Variants in EPB41 observed in about 807,000 individuals in gnomAD.
EPB41 encodes the protein erythrocyte membrane protein band 4.1.
Under a neutral mutation model 108.0 loss-of-function variants are expected in EPB41, and 65 were observed. That is an observed-to-expected ratio of 0.60 (90% CI 0.49 to 0.74). EPB41 has a LOEUF of 0.74. EPB41 is among the 30% of genes least tolerant of loss of function. The probability of loss-of-function intolerance (pLI) is 0.00; values close to 1 mark genes in which losing one functional copy is unlikely to be tolerated. For missense variants in EPB41, 875 were observed against 1,037.0 expected (o/e 0.84, Z 2.15); for synonymous variants, 336 against 358.9 (o/e 0.94, Z 0.72).
chr1:29,006,214 G>A (rs1198359712), intron 4 of EPB41, among the ~76,000 whole-genome samples: 2 of 150,788 alleles, frequency 1.3e-5, no homozygotes, highest in African/African-American at 4.9e-5. Flanking sequence ...GGTGTAAATC[G>A]TACATATACA....
chr1:29,065,355 A>G (rs2151010098), intron 16 of EPB41, 197 bp downstream of exon 16: 1 of 1,010,502 alleles, frequency 9.9e-7, no homozygotes, highest in African/African-American at 1.6e-5. Flanking sequence ...GTGCAATTAT[A>G]GGAGCTATTT....
At position 28,987,402 on chromosome 1, in the gene EPB41, G is replaced by T. The variant is rs749670680; in HGVS notation, c.-7-29G>T. 26 of 1,600,566 alleles carry T rather than the reference G, an allele frequency of 1.6e-5. 1 individual carries two copies. The South Asian group carries it at 2.8e-4, about 17-fold the overall frequency. ...ACAGTAATGTGTTTTGCTTATAAGA[G>T]CCCCCCTTTTCTATCTTCTTTTTAA... On this transcript the variant is annotated intron_variant, in intron 1 of 20. Transcript: ENST00000343067.
In EPB41 at chr1:29,015,717, T is replaced by G. The variant is rs773195319; in HGVS notation, c.855T>G (p.Asn285Lys). 1 of 1,609,796 alleles carries G rather than the reference T, an allele frequency of 6.2e-7. No individual in the cohort carries two copies. Among genetic ancestry groups the G allele is most frequent in the South Asian group, 1.1e-5 (1 of 90,772 alleles). Residue 285 changes from asparagine (N) to lysine (K), a missense_variant, in exon 6 of 21, where the codon AAT becomes AAG. Coordinates refer to ENST00000343067, the MANE Select transcript of EPB41 (RefSeq NM_001376013.1). Reference protein sequence around the residue: ...VRGVPWNFTFNVKFYPPDPAQ... With the variant: ...VRGVPWNFTFKVKFYPPDPAQ... ...GTGTCCCTTGGAATTTTACATTTAATGTAAAGTTTTATCCACCTGACCCAG... is the reference window on the plus strand; with the variant it reads ...GTGTCCCTTGGAATTTTACATTTAAGGTAAAGTTTTATCCACCTGACCCAG...
chr1:29,033,306 A>G (rs938431794), intron 9 of EPB41, 61 bp downstream of exon 9: 38 of 1,585,326 alleles, frequency 2.4e-5, no homozygotes, highest in Non-Finnish European at 2.8e-5. Context: ...AAATATCTAC[A>G]TTTCCATTTT....
rs1443271634 is a variant in EPB41, at chr1:28,993,356, T to A, written c.495T>A (p.Asp165Glu). The A allele has an allele frequency of 8.7e-6, 14 of 1,613,112 alleles. No individual in the cohort carries two copies. Among genetic ancestry groups the A allele is most frequent in the Non-Finnish European group, 1.2e-5 (14 of 1,179,980 alleles). ...CTGCTCAGGAAGAACTCAGAGAAGATCCAGATTTTGAAATTAAGGAAGGAG... is the reference window on the plus strand; with the variant it reads ...CTGCTCAGGAAGAACTCAGAGAAGAACCAGATTTTGAAATTAAGGAAGGAG... ...TQPAQEELRE[D>E]PDFEIKEGEG... Residue 165 changes from aspartate (D) to glutamate (E), a missense_variant, in exon 3 of 21, where the codon GAT becomes GAA. By Grantham distance (45) the Asp-to-Glu change is conservative (BLOSUM62 2). This residue lies in a region of EPB41 where 353 missense variants were observed against 393.2 expected (regional missense o/e 0.90). Coordinates refer to ENST00000343067, the MANE Select transcript of EPB41 (RefSeq NM_001376013.1).
At chr1:28,922,626 A>ATT (rs11353802) in intron 1 of EPB41, among the ~76,000 whole-genome samples, 1 of 127,292 alleles carries the variant, frequency 7.9e-6, no homozygotes, top group Non-Finnish European at 1.6e-5. Flanking sequence ...TAGAGACAGG[A>ATT]TTTTTTTTTT....
chr1:28,953,123 C>T (rs1190370402), intron 1 of EPB41, among the ~76,000 whole-genome samples: 3 of 151,670 alleles, frequency 2.0e-5, no homozygotes, highest in Non-Finnish European at 4.4e-5. Flanking sequence ...ACAAGGTCTA[C>T]ATATTGCAAG....
chr1:28,974,734 G>T (rs751434116), intron 1 of EPB41, among the ~76,000 whole-genome samples: 11 of 151,706 alleles, frequency 7.3e-5, no homozygotes, highest in Admixed American at 7.2e-4. Context: ...TTTTGGACAT[G>T]TTTTATTGAG....
At chr1:28,962,672 A>G (rs1317333089) in intron 1 of EPB41, among the ~76,000 whole-genome samples, 1 of 152,096 alleles carries the variant, frequency 6.6e-6, no homozygotes, top group Non-Finnish European at 1.5e-5. Flanking sequence ...CTAGGTTAGA[A>G]CTTTCTGTCT....
At chr1:28,927,234 T>G (rs1178417315) in intron 1 of EPB41, among the ~76,000 whole-genome samples, 1 of 152,230 alleles carries the variant, frequency 6.6e-6, no homozygotes, top group Admixed American at 6.5e-5. Flanking sequence ...GCAAGTGATT[T>G]TGCAGTTTAA....
intron 1 of EPB41, among the ~76,000 whole-genome samples, chr1:28,962,268 C>T (rs6426349): frequency 0.12 from 18,671 of 151,976 alleles, 1,580 homozygotes; most frequent in African/African-American, 0.25. Flanking sequence ...ACCACGTTGG[C>T]CAGGCTGATC....
rs922345683 is a variant in EPB41 at position 29,115,528 on chromosome 1, A to G, written c.2497-171A>G. Reference sequence around the variant, plus strand: ...GTGTTATCAGTCCAGAAGCCTCCCTATGCAGGATAGGGTGGGTAAGGTAAT... The same window carrying G: ...GTGTTATCAGTCCAGAAGCCTCCCTGTGCAGGATAGGGTGGGTAAGGTAAT... On this transcript the variant is annotated intron_variant, in intron 19 of 20. Coordinates refer to ENST00000343067, the MANE Select transcript of EPB41 (RefSeq NM_001376013.1). This position sits in a 1 kb window ranked among gnomAD's most constrained non-coding sequence, Gnocchi z 4.4. Among the ~76,000 whole-genome samples the G allele has an allele frequency of 1.1e-4, 17 of 152,154 alleles. No homozygotes were observed. The highest frequency in any genetic ancestry group is 4.1e-4 in the African/African-American group (17 of 41,442).
chr1:29,061,582 T>TTTTTTTTTTG (rs1462192956), intron 15 of EPB41, among the ~76,000 whole-genome samples: 1 of 136,430 alleles, frequency 7.3e-6, no homozygotes, highest in Non-Finnish European at 1.6e-5. Flanking sequence ...GTTTTTTTTT[T>TTTTTTTTTTG]TTTTTTTTTT....
intron 1 of EPB41, among the ~76,000 whole-genome samples, chr1:28,939,065 A>G (rs907524966): frequency 4.3e-4 from 66 of 152,322 alleles, no homozygotes; most frequent in Non-Finnish European, 4.3e-4. Flanking sequence ...TATTCCTGAC[A>G]TTAGGATAAA....
At chr1:28,908,355 T>C (rs909289995) in intron 1 of EPB41, among the ~76,000 whole-genome samples, 2 of 150,896 alleles carry the variant, frequency 1.3e-5, no homozygotes, top group African/African-American at 2.4e-5. Context: ...CAAGCCGAGA[T>C]TGTGCCACTG....
At chr1:29,076,680 A>G (rs1654205444) in intron 16 of EPB41, among the ~76,000 whole-genome samples, 1 of 152,314 alleles carries the variant, frequency 6.6e-6, no homozygotes, top group East Asian at 1.9e-4. Context: ...GTGATAATAA[A>G]TATTTGAAGT....
At chr1:28,933,794 G>T (rs534060115) in intron 1 of EPB41, among the ~76,000 whole-genome samples, 1 of 152,102 alleles carries the variant, frequency 6.6e-6, no homozygotes, top group East Asian at 1.9e-4. Flanking sequence ...GGCAAAGCAA[G>T]ACCTAGTCTA....
chr1:28,935,704 C>T (rs909901158), intron 1 of EPB41, among the ~76,000 whole-genome samples: 1 of 151,696 alleles, frequency 6.6e-6, no homozygotes, highest in Non-Finnish European at 1.5e-5. Flanking sequence ...GCAGACCATG[C>T]GGTCATGAGA....
At chr1:29,058,693 T>G in intron 13 of EPB41, 48 bp downstream of exon 13, 5 of 1,590,398 alleles carry the variant, frequency 3.1e-6, no homozygotes, top group Non-Finnish European at 4.3e-6. Flanking sequence ...ACCCCCTCAG[T>G]TTTTTTCTTC....
Sources: gnomAD v4.1 joint callset for allele counts (sites outside exome capture counted in the v4.1 genomes callset) on GRCh38, gnomAD v4.1.1 for gene constraint, gnomAD v4.1.1 regional missense constraint, Gnocchi (gnomAD v3.1) non-coding constraint, MANE v1.5 for transcripts, NCBI Gene and HGNC (gene_info 2026-07-23, HGNC 2026-07-21) for gene names.